The following PLEKHG4B variants were observed in gnomAD, a reference collection of about 807,000 sequenced individuals.
PLEKHG4B encodes the protein pleckstrin homology and RhoGEF domain containing G4B.
Under a neutral mutation model 121.3 loss-of-function variants are expected in PLEKHG4B, and 111 were observed. That is an observed-to-expected ratio of 0.92 (90% confidence interval 0.78 to 1.07). The LOEUF is 1.07. PLEKHG4B is among the 50% of genes least tolerant of loss of function. The pLI is 0.00. For synonymous variants in PLEKHG4B, 738 were observed against 725.0 expected (o/e 1.02, Z -0.29); for missense variants, 1,831 against 1,757.8 (o/e 1.04, Z -0.74).
At chr5:153,755 G>A (rs776639307) in intron 7 of PLEKHG4B, among the ~76,000 whole-genome samples, 4 of 152,214 alleles carry the variant, frequency 2.6e-5, no homozygotes, top group East Asian at 1.9e-4. Flanking sequence ...GTGTGATCAC[G>A]GCTGCTTGCA....
In PLEKHG4B at chr5:107,884, A is replaced by G. The variant is rs529985112; in HGVS notation, c.46-5367A>G. Among the ~76,000 whole-genome samples the G allele has an allele frequency of 3.3e-5, 5 of 152,304 alleles. No homozygotes were observed. The South Asian group carries it at 6.2e-4, about 19-fold the overall frequency. The stretch of plus-strand genomic sequence containing the variant: ...GGGGCTGGGGCACCAGCTTGGGTCC[A>G]GGTGTGCCAGGTTTGTATACCTGGG... On this transcript the variant is annotated intron_variant, in intron 1 of 19. Transcript: ENST00000637938.
At chr5:171,839 G>A (rs1367004023) in intron 16 of PLEKHG4B, among the ~76,000 whole-genome samples, 7 of 152,234 alleles carry the variant, frequency 4.6e-5, no homozygotes, top group Admixed American at 6.5e-5. Flanking sequence ...GGGCCAGGGC[G>A]TGGGGCTGAC....
intron 1 of PLEKHG4B, among the ~76,000 whole-genome samples, chr5:101,614 G>A (rs1733816609): frequency 7.5e-6 from 1 of 133,748 alleles, no homozygotes; most frequent in South Asian, 2.2e-4. Flanking sequence ...CCTGGGAAAA[G>A]TCTGTAGGGG....
chr5:156,098 G>A lies in PLEKHG4B; in HGVS notation c.2236G>A (p.Glu746Lys). The A allele has an allele frequency of 6.3e-7, 1 of 1,599,948 alleles. No homozygotes were observed. The highest frequency in any genetic ancestry group is 8.5e-7 in the Non-Finnish European group (1 of 1,172,644). ...AGTCGCCGAGTTAATTGACCAGCAT[G>A]AGACGATGATGAAGCTTGTCCTGGA... is the stretch of plus-strand genomic sequence containing the variant. ...QEVAELIDQH[E>K]TMMKLVLEDP... is the part of the protein sequence containing the mutation. Residue 746 changes from glutamate (E) to lysine (K), a missense_variant, in exon 10 of 20, where the codon GAG becomes AAG. Physicochemically the swap from Glu to Lys is moderately conservative, Grantham distance 56. Coordinates refer to ENST00000637938, the MANE Select transcript of PLEKHG4B (RefSeq NM_052909.5). The surrounding 1 kb of genome is among the most constrained non-coding windows in gnomAD (Gnocchi z 4.4).
intron 2 of PLEKHG4B, among the ~76,000 whole-genome samples, chr5:126,941 G>C (rs1734632724): frequency 6.6e-6 from 1 of 152,178 alleles, no homozygotes; most frequent in African/African-American, 2.4e-5. Context: ...AGATTGGTTG[G>C]ACCAGGTGTG....
Position 140,187 on chromosome 5 carries a change from C to A in PLEKHG4B, c.948C>A (p.Asp316Glu). 2 of 1,075,568 alleles carry A rather than the reference C, an allele frequency of 1.9e-6. No homozygotes were observed. Among genetic ancestry groups the A allele is most frequent in the Non-Finnish European group, 2.6e-6 (2 of 765,328 alleles). 66.6% of individuals were successfully genotyped at this position (1,075,568 alleles called of 1,614,324 possible). The change falls in exon 3 of 20, where the codon GAC becomes GAA. Residue 316 changes from aspartate (D) to glutamate (E), a missense_variant. Transcript: ENST00000637938. ...CGGGGGAGAGGCCGGACCCCATGGA[C>A]CAGGAGGACAGACCCAAGGCCCTCA... ...GGSGERPDPM[D>E]QEDRPKALTF...
chr5:131,118 C>CTTTTTTTTTTTT (rs370839530), intron 2 of PLEKHG4B, among the ~76,000 whole-genome samples: 3 of 148,072 alleles, frequency 2.0e-5, no homozygotes, highest in Admixed American at 6.7e-5. Flanking sequence ...AAGCTGCTTC[C>CTTTTTTTTTTTT]TTTTTTTTTT....
At chr5:134,345 C>T (rs1279243117) in intron 2 of PLEKHG4B, among the ~76,000 whole-genome samples, 2 of 151,552 alleles carry the variant, frequency 1.3e-5, no homozygotes, top group South Asian at 2.1e-4. Context: ...GGCAGGTGAG[C>T]GATAAAAGAC....
chr5:177,432 C>G (rs1736792121), intron 18 of PLEKHG4B, among the ~76,000 whole-genome samples: 1 of 152,158 alleles, frequency 6.6e-6, no homozygotes, highest in Admixed American at 6.5e-5. Flanking sequence ...TTCTAGTTAA[C>G]TTTGTGATAC....
At chr5:102,994 G>C (rs143406794) in intron 1 of PLEKHG4B, among the ~76,000 whole-genome samples, 2 of 152,160 alleles carry the variant, frequency 1.3e-5, no homozygotes, top group African/African-American at 4.8e-5. Context: ...CTGAGGCTCC[G>C]GGTGAGGCAT....
chr5:178,861 A>C (rs1736844474), intron 18 of PLEKHG4B, among the ~76,000 whole-genome samples: 1 of 152,280 alleles, frequency 6.6e-6, no homozygotes, highest in Non-Finnish European at 1.5e-5. Context: ...GTAGTTGCAT[A>C]GAACCTACAC....
rs1342331741 is a variant in PLEKHG4B, at chr5:182,411, T to G, written c.*88T>G. 7.3e-7 allele frequency: 1 copy of G among 1,368,294 alleles called. No individual in the cohort carries two copies. Among genetic ancestry groups the G allele is most frequent in the Non-Finnish European group, 9.9e-7 (1 of 1,014,640 alleles). 84.8% of individuals were successfully genotyped at this position (1,368,294 alleles called of 1,614,324 possible). Reference sequence around the variant, plus strand: ...GGCCTGATGACTCTGGGGGTGGCGGTGCCCATCGCGTGGCTGGAACGATCC... The same window carrying G: ...GGCCTGATGACTCTGGGGGTGGCGGGGCCCATCGCGTGGCTGGAACGATCC... On this transcript the variant is annotated 3_prime_UTR_variant, in exon 20 of 20. Transcript: ENST00000637938.
chr5:154,578 AAGG>A (rs1317734688), intron 7 of PLEKHG4B, among the ~76,000 whole-genome samples: 7 of 150,416 alleles, frequency 4.7e-5, no homozygotes, highest in Non-Finnish European at 1.0e-4. Flanking sequence ...GCCACACCAG[AAGG>A]AGAAGAGCCT....
At chr5:153,871 G>T (rs1016908914) in intron 7 of PLEKHG4B, among the ~76,000 whole-genome samples, 1 of 152,070 alleles carries the variant, frequency 6.6e-6, no homozygotes, top group African/African-American at 2.4e-5. Context: ...ATTTTGTTTT[G>T]TACAGATGGG....
intron 2 of PLEKHG4B, among the ~76,000 whole-genome samples, chr5:135,677 AAAAAAATATATATATATATATATATAT>A (rs1203978309): frequency 1.9e-4 from 14 of 72,526 alleles, no homozygotes; most frequent in East Asian, 1.4e-3. Flanking sequence ...AAAAAAAAAA[AAAAAAATATATATATATATATATATAT>A]ATATATATAT....
At position 111,277 on chromosome 5, in the gene PLEKHG4B, G is replaced by A. The variant is rs182981632; in HGVS notation, c.46-1974G>A. On this transcript the variant is annotated intron_variant, in intron 1 of 19. Coordinates refer to ENST00000637938, the MANE Select transcript of PLEKHG4B (RefSeq NM_052909.5). ...CCTCAACCTACCCAATTCTCAGTCT[G>A]CAGGCAGCTTCCCTGGGGCAGCTCT... is the stretch of plus-strand genomic sequence containing the variant. 1.8e-4 allele frequency among the ~76,000 whole-genome samples: 28 copies of A among 152,370 alleles called. No homozygotes were observed. In the East Asian group the frequency reaches 4.6e-3, roughly 25 times the overall value.
intron 2 of PLEKHG4B, among the ~76,000 whole-genome samples, chr5:117,850 C>T (rs1734348770): frequency 6.6e-6 from 1 of 151,546 alleles, no homozygotes; most frequent in Non-Finnish European, 1.5e-5. Flanking sequence ...GAGACTGTCT[C>T]AAAAAGAACA....
chr5:161,813 A>G lies in PLEKHG4B; in HGVS notation c.2518A>G (p.Lys840Glu). The change falls in exon 12 of 20, where the codon AAG becomes GAG. Residue 840 changes from lysine to glutamate, a missense_variant. Lys to Glu is a moderately conservative substitution (Grantham distance 56). Transcript: ENST00000637938. ...CTGCCAGAAAGGACTACAGCTGGCGAAGGAGAACCCGCAACGTACAGAGGA... is the reference window on the plus strand; with the variant it reads ...CTGCCAGAAAGGACTACAGCTGGCGGAGGAGAACCCGCAACGTACAGAGGA... ...QSCQKGLQLA[K>E]ENPQRTEEMV... is the part of the protein sequence containing the mutation. 1 of 1,613,840 alleles carries G rather than the reference A, an allele frequency of 6.2e-7. No individual in the cohort carries two copies. Among genetic ancestry groups the G allele is most frequent in the Non-Finnish European group, 8.5e-7 (1 of 1,180,030 alleles).
chr5:146,220 G>T (rs1735408008), intron 6 of PLEKHG4B, among the ~76,000 whole-genome samples: 1 of 106,116 alleles, frequency 9.4e-6, no homozygotes, highest in African/African-American at 3.9e-5. Context: ...CCCCTCCACT[G>T]TCCTCCCTCC....
Sources: allele counts gnomAD v4.1 joint callset (sites outside exome capture counted in the v4.1 genomes callset), GRCh38; gene constraint gnomAD v4.1.1; non-coding constraint Gnocchi (gnomAD v3.1); transcripts MANE v1.5; gene names NCBI Gene and HGNC (gene_info 2026-07-23, HGNC 2026-07-21).